MTUS1: variants seen among roughly 807,000 people sequenced by gnomAD.
MTUS1 encodes microtubule-associated tumor suppressor 1.
MTUS1 carries 109 observed loss-of-function variants against 120.8 expected under a neutral mutation model. The ratio of observed to expected loss-of-function variants is 0.90; its 90% CI spans 0.77 to 1.06. The LOEUF (loss-of-function observed/expected upper bound fraction) is 1.06. MTUS1 is among the 50% of genes least tolerant of loss of function. MTUS1 has a pLI of 0.00. For missense variants in MTUS1, 2,210 were observed against 1,486.3 expected (o/e 1.49, Z -8.01); for synonymous variants, 737 against 550.5 (o/e 1.34, Z -4.74).
intron 1 of MTUS1, among the ~76,000 whole-genome samples, chr8:17,793,741 G>A (rs928799711): frequency 6.6e-6 from 1 of 152,140 alleles, no homozygotes; most frequent in African/African-American, 2.4e-5. Context: ...AAGGAAAAGG[G>A]TAAGCATGAT....
At chr8:17,722,272 G>C (rs2045904282) in intron 4 of MTUS1, 1 of 988,804 alleles carries the variant, frequency 1.0e-6, no homozygotes, top group African/African-American at 1.7e-5. Flanking sequence ...CGGGGCTGTG[G>C]CACTACAGAC....
chr8:17,730,898 T>C (rs1261517689), intron 3 of MTUS1, among the ~76,000 whole-genome samples: 1 of 152,114 alleles, frequency 6.6e-6, no homozygotes, highest in African/African-American at 2.4e-5. Context: ...ATATGGAGGA[T>C]GGCTGCAAAA....
intron 4 of MTUS1, chr8:17,722,332 G>A: frequency 4.1e-6 from 4 of 966,642 alleles, no homozygotes; most frequent in Non-Finnish European, 4.9e-6. Flanking sequence ...AGTTTTTCTA[G>A]AGCATGTTGG....
rs140122491 is a variant in MTUS1 at position 17,756,042 on chromosome 8, T to C, written c.-154-81A>G. 236 of 778,684 alleles carry C rather than the reference T, an allele frequency of 3.0e-4. 6 individuals are homozygous for C. In the East Asian group the frequency reaches 8.0e-3, roughly 26 times the overall value. The allele number at this position is 778,684 out of a possible 1,614,324, so 48.2% of individuals were successfully genotyped here. ...CCCTTGGTTTCAATCACTAAGTGAT[T>C]AGTTTCAATCACTTTATGTTCACAT... On this transcript the variant is annotated intron_variant, in intron 1 of 14. Transcript: ENST00000693296.
chr8:17,728,156 TGGG>T (rs34982379), intron 3 of MTUS1, among the ~76,000 whole-genome samples: 2 of 152,060 alleles, frequency 1.3e-5, no homozygotes, highest in Non-Finnish European at 2.9e-5. Context: ...GGAAGGGAAA[TGGG>T]GAGTTGTTCA....
At chr8:17,792,114 C>T (rs918505229) in intron 1 of MTUS1, among the ~76,000 whole-genome samples, 4 of 152,180 alleles carry the variant, frequency 2.6e-5, no homozygotes, top group South Asian at 4.1e-4. Context: ...ATACCCATTA[C>T]ATTTTTCCAA....
chr8:17,681,884 TTTTA>T (rs1814594371), intron 7 of MTUS1, among the ~76,000 whole-genome samples: 2 of 152,184 alleles, frequency 1.3e-5, no homozygotes, highest in Non-Finnish European at 2.9e-5. Flanking sequence ...TAATAACGTA[TTTTA>T]TTTAACCCAA....
At chr8:17,725,126 T>C (rs1283419246) in intron 3 of MTUS1, among the ~76,000 whole-genome samples, 1 of 152,100 alleles carries the variant, frequency 6.6e-6, no homozygotes, top group Non-Finnish European at 1.5e-5. Context: ...CAGATCCCCA[T>C]ATATTCTAGC....
chr8:17,645,858 T>C lies in MTUS1; in HGVS notation c.*68A>G. ...GATATACCTCTTGTGCCCACGTTCC[T>C]CCTTGGGGTCAGTCCTGCAGACCTG... On this transcript the variant is annotated 3_prime_UTR_variant, in exon 15 of 15. Transcript: ENST00000693296. 6.5e-7 allele frequency: 1 copy of C among 1,540,288 alleles called. No homozygotes were observed.
intron 6 of MTUS1, among the ~76,000 whole-genome samples, chr8:17,688,455 C>A (rs1158508061): frequency 6.6e-6 from 1 of 152,204 alleles, no homozygotes; most frequent in East Asian, 1.9e-4. Flanking sequence ...GTCCTTTCTA[C>A]AACATATTGC....
chr8:17,791,568 T>C (rs895700698), intron 1 of MTUS1, among the ~76,000 whole-genome samples: 3 of 152,204 alleles, frequency 2.0e-5, no homozygotes, highest in Non-Finnish European at 2.9e-5. Flanking sequence ...AAGATAAAAG[T>C]ATCTACATTG....
At chr8:17,685,025 A>G (rs991004300) in intron 6 of MTUS1, among the ~76,000 whole-genome samples, 1 of 152,208 alleles carries the variant, frequency 6.6e-6, no homozygotes, top group Non-Finnish European at 1.5e-5. Context: ...CCTAGCCATT[A>G]CACAGATTTA....
intron 6 of MTUS1, chr8:17,692,339 C>T (rs776861867): frequency 6.6e-6 from 1 of 152,082 alleles, no homozygotes; most frequent in African/African-American, 2.4e-5. Flanking sequence ...TCTTTTTCTT[C>T]CTTCCTGGAG....
In MTUS1 at chr8:17,753,704, A is replaced by G; in HGVS notation, c.2091+13T>C. On this transcript the variant is annotated intron_variant, in intron 2 of 14. Coordinates refer to ENST00000693296, the MANE Select transcript of MTUS1 (RefSeq NM_001363059.2). The stretch of plus-strand genomic sequence containing the variant: ...TCTCTGAAGCATGCAAAAAATATAT[A>G]TATATTACTTACCAAAAACAGAGAA... 7 of 1,543,304 alleles carry G rather than the reference A, an allele frequency of 4.5e-6. No homozygotes were observed. The highest frequency in any genetic ancestry group is 1.9e-5 in the Admixed American group (1 of 52,114).
At position 17,684,378 on chromosome 8, in the gene MTUS1, T is replaced by C. The variant is rs1380556924; in HGVS notation, c.2788A>G (p.Asn930Asp). The change falls in exon 7 of 15, where the codon AAT becomes GAT. Residue 930 changes from asparagine to aspartate, a missense_variant. Physicochemically the swap from Asn to Asp is conservative, Grantham distance 23. Coordinates refer to ENST00000693296, the MANE Select transcript of MTUS1 (RefSeq NM_001363059.2). The stretch of plus-strand genomic sequence containing the variant: ...ACTGTCAATGCCTCAAACTTGGTAT[T>C]ACCACAGGCAAGAAGCTGCTTGAGC... The part of the protein sequence containing the change: ...LQLKQLLACG[N>D]TKFEALTVVI... 1.9e-6 allele frequency: 3 copies of C among 1,614,232 alleles called. No homozygotes were observed. Among genetic ancestry groups the C allele is most frequent in the Admixed American group, 1.7e-5 (1 of 60,036 alleles).
chr8:17,791,855 A>T (rs1416328225), intron 1 of MTUS1, among the ~76,000 whole-genome samples: 1 of 152,222 alleles, frequency 6.6e-6, no homozygotes, highest in Non-Finnish European at 1.5e-5. Flanking sequence ...TTTAATTTAA[A>T]ACTAGAGACT....
chr8:17,654,719 T>C, intron 9 of MTUS1, 53 bp from the exon 10 acceptor site: 3 of 1,305,834 alleles, frequency 2.3e-6, no homozygotes, highest in Non-Finnish European at 3.3e-6. Context: ...ATGTCCTAAG[T>C]TGAATACGCA....
chr8:17,743,110 G>A (rs749276916), intron 3 of MTUS1, among the ~76,000 whole-genome samples: 4 of 152,042 alleles, frequency 2.6e-5, no homozygotes, highest in African/African-American at 7.2e-5. Context: ...ATTACAAATT[G>A]TAAGATACAA....
chr8:17,674,944 T>C (rs1812778859), intron 8 of MTUS1: 2 of 1,272,418 alleles, frequency 1.6e-6, no homozygotes, highest in South Asian at 6.6e-5. Context: ...GCAAGAGAAA[T>C]ATTTTGCTCA....
Sources: gnomAD v4.1 joint callset for allele counts (sites outside exome capture counted in the v4.1 genomes callset) on GRCh38, gnomAD v4.1.1 for gene constraint, MANE v1.5 for transcripts, NCBI Gene and HGNC (gene_info 2026-07-23, HGNC 2026-07-21) for gene names.